AMPD2: variants seen among roughly 807,000 people sequenced by gnomAD.
AMPD2 encodes the protein adenosine monophosphate deaminase 2, also known as AMP deaminase 2.
Under a neutral mutation model 91.3 loss-of-function variants are expected in AMPD2, and 52 were observed. That is an observed-to-expected ratio of 0.57 (90% CI 0.46 to 0.72). AMPD2 has a LOEUF of 0.72. Ranked by LOEUF, AMPD2 falls within the 30% of genes least tolerant of loss-of-function variation. The pLI, the probability that AMPD2 is intolerant of heterozygous loss-of-function variation, is 0.00. For missense variants in AMPD2, 822 were observed against 1,122.3 expected (o/e 0.73, Z 3.82); for synonymous variants, 455 against 456.4 (o/e 1.00, Z 0.04).
chr1:109,623,336 A>G (rs1461301352), intron 2 of AMPD2, among the ~76,000 whole-genome samples: 1 of 152,152 alleles, frequency 6.6e-6, no homozygotes, highest in Non-Finnish European at 1.5e-5. Context: ...ACAGAATCAG[A>G]TCCATGTTCT....
chr1:109,623,470 G>C (rs1481757139), intron 2 of AMPD2, among the ~76,000 whole-genome samples: 1 of 152,180 alleles, frequency 6.6e-6, no homozygotes, highest in African/African-American at 2.4e-5. Flanking sequence ...CAGCTGGGCA[G>C]CGGGGAAGCC....
intron 17 of AMPD2, 50 bp from the exon 18 acceptor site, chr1:109,630,633 A>G (rs1179485547): frequency 2.6e-6 from 4 of 1,516,816 alleles, no homozygotes; most frequent in Admixed American, 1.8e-5. Flanking sequence ...GAAGGGAGGC[A>G]GGGGCAGCTG....
chr1:109,631,165 A>C lies in AMPD2; in HGVS notation c.*13A>C. 6.4e-7 allele frequency: 1 copy of C among 1,566,658 alleles called. No individual in the cohort carries two copies. The highest frequency in any genetic ancestry group is 8.7e-7 in the Non-Finnish European group (1 of 1,155,364). ...AGGGCCTCAATGAGCCTGGTCCATG[A>C]AGTGCCCACCACATCGCAGCACTTT... On this transcript the variant is annotated 3_prime_UTR_variant, in exon 19 of 19. Coordinates refer to ENST00000528667, the MANE Select transcript of AMPD2 (RefSeq NM_001368809.2).
At chr1:109,630,135 C>T in intron 16 of AMPD2, 98 bp from the exon 17 acceptor site, 1 of 1,422,224 alleles carries the variant, frequency 7.0e-7, no homozygotes, top group Non-Finnish European at 9.8e-7. Context: ...GGATTCCCCT[C>T]CCCCTGCCCT....
chr1:109,620,672 G>A, intron 1 of AMPD2: 2 of 1,207,580 alleles, frequency 1.7e-6, no homozygotes, highest in Non-Finnish European at 2.1e-6. Flanking sequence ...GGTTTTCACG[G>A]AGTATGCCTG....
chr1:109,628,574 GGCAGATGACC>G lies in AMPD2; in HGVS notation c.1408-68_1408-59del. 1 of 1,611,442 alleles carries G rather than the reference GGCAGATGACC, an allele frequency of 6.2e-7. No homozygotes were observed. Among genetic ancestry groups the G allele is most frequent in the Non-Finnish European group, 8.5e-7 (1 of 1,178,430 alleles). On this transcript the variant is annotated intron_variant, in intron 12 of 18. Coordinates refer to ENST00000528667, the MANE Select transcript of AMPD2 (RefSeq NM_001368809.2). This position sits in a 1 kb window ranked among gnomAD's most constrained non-coding sequence, Gnocchi z 7.1. ...TAGGGGGTGAGACTCAAGGAGGGTA[GGCAGATGACC>G]CCCTGAAGAGCTCTGACTCAGCTCA...
chr1:109,628,418 G>A lies in AMPD2; in HGVS notation c.1330G>A (p.Gly444Arg). ...DKFNAKYNPIGESVLREIFIK... is the reference protein window; with the variant it reads ...DKFNAKYNPIRESVLREIFIK... ...GTTTAATGCCAAATACAACCCTATT[G>A]GGGAGTCCGTCCTCCGAGAGATCTT... Residue 444 changes from glycine to arginine, a missense_variant, in exon 12 of 19, where the codon GGG becomes AGG. By Grantham distance (125) the Gly-to-Arg change is moderately radical (BLOSUM62 -2). Coordinates refer to ENST00000528667, the MANE Select transcript of AMPD2 (RefSeq NM_001368809.2). This position sits in a 1 kb window ranked among gnomAD's most constrained non-coding sequence, Gnocchi z 7.1. 1.9e-6 allele frequency: 3 copies of A among 1,613,922 alleles called. No individual in the cohort carries two copies. The highest frequency in any genetic ancestry group is 2.5e-6 in the Non-Finnish European group (3 of 1,180,012).
rs143354905 is a variant in AMPD2 at position 109,621,247 on chromosome 1, G to A, written c.72G>A (p.Gln24=). The A allele has an allele frequency of 6.3e-5, 102 of 1,612,752 alleles. No individual in the cohort carries two copies. Among genetic ancestry groups the A allele is most frequent in the Non-Finnish European group, 8.6e-5 (102 of 1,179,582 alleles). The change falls in exon 2 of 19, where the codon CAG becomes CAA. Residue 24 remains glutamine, a synonymous_variant. Coordinates refer to ENST00000528667, the MANE Select transcript of AMPD2 (RefSeq NM_001368809.2). The part of the protein sequence containing the change: ...KYPFKKRASL[Q]ASTAAPEARG... ...CCTTTAAGAAGCGGGCCAGCCTGCA[G>A]GCCTCCACTGCAGCTCCAGGTGAGT...
At chr1:109,629,944 T>TC in intron 16 of AMPD2, 28 bp downstream of exon 16, 1 of 1,572,832 alleles carries the variant, frequency 6.4e-7, no homozygotes, top group Non-Finnish European at 8.7e-7. Context: ...TAGCCTTCCC[T>TC]CCCAATTGTT....
rs1650963459 is a variant in AMPD2, at chr1:109,629,004, G to T, written c.1572-105G>T. 4.0e-6 allele frequency: 6 copies of T among 1,515,976 alleles called. No homozygotes were observed. The Admixed American group carries it at 9.6e-5, about 24-fold the overall frequency. 93.9% of individuals were successfully genotyped at this position (1,515,976 alleles called of 1,614,324 possible). ...ATCCTTGCTTTCCCAATATGGTTCAGATGCGCCCCTGCGCTCTTGGGCCAA... is the reference window on the plus strand; with the variant it reads ...ATCCTTGCTTTCCCAATATGGTTCATATGCGCCCCTGCGCTCTTGGGCCAA... On this transcript the variant is annotated intron_variant, in intron 13 of 18. Transcript: ENST00000528667.
intron 2 of AMPD2, chr1:109,622,476 G>A (rs996608812): frequency 3.6e-5 from 13 of 361,528 alleles, no homozygotes; most frequent in Non-Finnish European, 6.0e-5. Flanking sequence ...GAATCTCAGA[G>A]TTGGTGGGAG....
chr1:109,626,464 C>G, intron 6 of AMPD2, 37 bp downstream of exon 6: 1 of 1,553,620 alleles, frequency 6.4e-7, no homozygotes, highest in Non-Finnish European at 8.7e-7. Flanking sequence ...GTCGCCATCA[C>G]CTATGTCTTA....
chr1:109,630,060 G>A (rs1335282218), intron 16 of AMPD2, 144 bp downstream of exon 16: 2 of 1,419,326 alleles, frequency 1.4e-6, no homozygotes. Flanking sequence ...CCCCACCCCA[G>A]CCTTCAGCCT....
chr1:109,630,940 C>T lies in AMPD2; in HGVS notation c.2269-3C>T. 2 of 1,614,020 alleles carry T rather than the reference C, an allele frequency of 1.2e-6. No individual in the cohort carries two copies. Among genetic ancestry groups the T allele is most frequent in the Non-Finnish European group, 1.7e-6 (2 of 1,179,990 alleles). ...CCCTGCCCATTACCCCCGCTCCTTG[C>T]AGGTAAAGAGCCACTGGCTGGGACC... On this transcript the variant is annotated splice_polypyrimidine_tract_variant and splice_region_variant and intron_variant, in intron 18 of 18. Transcript: ENST00000528667.
rs1351260801 is a variant in AMPD2 at position 109,628,181 on chromosome 1, C to T, written c.1179C>T (p.His393=). The T allele has an allele frequency of 3.7e-6, 6 of 1,613,950 alleles. No homozygotes were observed. Among genetic ancestry groups the T allele is most frequent in the South Asian group, 1.1e-5 (1 of 91,092 alleles). Residue 393 remains histidine (H), a synonymous_variant, in exon 11 of 19, where the codon CAC becomes CAT. Coordinates refer to ENST00000528667, the MANE Select transcript of AMPD2 (RefSeq NM_001368809.2). This position sits in a 1 kb window ranked among gnomAD's most constrained non-coding sequence, Gnocchi z 7.1. ...AMKRHLEEIV[H]VEQGREQTLR... is the part of the protein sequence containing the mutation. ...AGCGGCACCTGGAGGAGATCGTGCA[C>T]GTGGAGCAGGGCCGTGAACAGACGC...
intron 2 of AMPD2, among the ~76,000 whole-genome samples, chr1:109,623,105 G>A (rs541514717): frequency 3.3e-5 from 5 of 152,160 alleles, no homozygotes; most frequent in Non-Finnish European, 4.4e-5. Flanking sequence ...CTCAGTGGGC[G>A]GGGCTACAGG....
At chr1:109,620,620 C>A in intron 1 of AMPD2, 1 of 1,211,706 alleles carries the variant, frequency 8.3e-7, no homozygotes, top group South Asian at 2.4e-5. Context: ...GCTGGGCTAC[C>A]CCGGGAGCTG....
At chr1:109,626,961 C>T (rs1376995340) in intron 7 of AMPD2, 49 bp downstream of exon 7, 1 of 1,577,644 alleles carries the variant, frequency 6.3e-7, no homozygotes, top group Admixed American at 1.8e-5. Context: ...GCCTCCTGGG[C>T]TTCTCAGCCT....
chr1:109,622,599 C>G (rs1650352644), intron 2 of AMPD2, among the ~76,000 whole-genome samples: 1 of 152,108 alleles, frequency 6.6e-6, no homozygotes, highest in Non-Finnish European at 1.5e-5. Flanking sequence ...GTCTTCTAGG[C>G]CTGGCCTCTG....
Sources: allele counts gnomAD v4.1 joint callset (sites outside exome capture counted in the v4.1 genomes callset), GRCh38; gene constraint gnomAD v4.1.1; non-coding constraint Gnocchi (gnomAD v3.1); transcripts MANE v1.5; gene names NCBI Gene and HGNC (gene_info 2026-07-23, HGNC 2026-07-21).